GSTCD: variants seen among roughly 807,000 people sequenced by gnomAD.
The protein encoded by GSTCD is glutathione S-transferase C-terminal domain containing.
In GSTCD, 44 loss-of-function variants were observed where a neutral mutation model predicts 68.3. The ratio of observed to expected loss-of-function variants is 0.64; its 90% CI spans 0.51 to 0.83. GSTCD has a LOEUF of 0.83. Among genes scored for constraint, GSTCD ranks in the 40% least tolerant of loss-of-function variants. GSTCD has a pLI of 0.00. For synonymous variants in GSTCD, 273 were observed against 255.2 expected (o/e 1.07, Z -0.67); for missense variants, 739 against 735.9 (o/e 1.00, Z -0.05).
At chr4:105,783,214 G>A (rs1735346079) in intron 5 of GSTCD, among the ~76,000 whole-genome samples, 1 of 152,136 alleles carries the variant, frequency 6.6e-6, no homozygotes, top group Non-Finnish European at 1.5e-5. Context: ...TTACCCTTTA[G>A]AACAAACAGC....
At chr4:105,713,310 A>G (rs1049330133) in intron 1 of GSTCD, among the ~76,000 whole-genome samples, 1 of 152,206 alleles carries the variant, frequency 6.6e-6, no homozygotes, top group African/African-American at 2.4e-5. Flanking sequence ...GAAAGGAATC[A>G]GGAAAGAATT....
intron 8 of GSTCD, among the ~76,000 whole-genome samples, chr4:105,834,021 T>C (rs989301201): frequency 1.3e-5 from 2 of 152,226 alleles, no homozygotes; most frequent in African/African-American, 4.8e-5. Flanking sequence ...TTTGAGGAAG[T>C]GTTTTCAAAT....
intron 5 of GSTCD, among the ~76,000 whole-genome samples, chr4:105,781,362 C>A (rs993142817): frequency 6.6e-6 from 1 of 152,020 alleles, no homozygotes; most frequent in African/African-American, 2.4e-5. Context: ...GATCCTCCCC[C>A]TCAGCCCCCC....
At chr4:105,738,263 C>A (rs1377922869) in intron 5 of GSTCD, among the ~76,000 whole-genome samples, 1 of 152,142 alleles carries the variant, frequency 6.6e-6, no homozygotes, top group African/African-American at 2.4e-5. Flanking sequence ...GTTTTTAATA[C>A]CAGTGCCACA....
At position 105,846,753 on chromosome 4, in the gene GSTCD, CCT is replaced by C. The variant is rs1560860740; in HGVS notation, c.*1179_*1180del. On this transcript the variant is annotated 3_prime_UTR_variant, in exon 12 of 12. Coordinates refer to ENST00000515279, the MANE Select transcript of GSTCD (RefSeq NM_001370181.1). The stretch of plus-strand genomic sequence containing the variant: ...GTGGCTCGATCTTGGCTCACCACAA[CCT>C]CTGCATTCTCCTGCCTCAGCCTCCC... 1 of 148,384 alleles carries C rather than the reference CCT, an allele frequency of 6.7e-6. No individual in the cohort carries two copies. The highest frequency in any genetic ancestry group is 1.5e-5 in the Non-Finnish European group (1 of 67,336). 9.2% of individuals were successfully genotyped at this position (148,384 alleles called of 1,614,324 possible). A position where few individuals can be genotyped will look rare whatever the true frequency, so the allele number is the denominator to read the frequency against.
intron 5 of GSTCD, among the ~76,000 whole-genome samples, chr4:105,784,757 T>C (rs1305269330): frequency 2.6e-5 from 4 of 152,214 alleles, no homozygotes; most frequent in Admixed American, 1.3e-4. Flanking sequence ...TCTTATTTTT[T>C]CAATGGATTA....
intron 5 of GSTCD, among the ~76,000 whole-genome samples, chr4:105,774,609 A>G (rs1173631355): frequency 6.6e-6 from 1 of 152,174 alleles, no homozygotes; most frequent in African/African-American, 2.4e-5. Context: ...TTTGCTTATG[A>G]AGCTTAGTTT....
rs974237341 is a variant in GSTCD, at chr4:105,834,496, G to A, written c.1566G>A (p.Met522Ile). The change falls in exon 9 of 12, where the codon ATG becomes ATA. Residue 522 changes from methionine (M) to isoleucine (I), a missense_variant. Transcript: ENST00000515279. ...ALHACGVATD[M>I]VIEHCIKTRA... ...ATGCTTGTGGAGTGGCAACAGACAT[G>A]GTGATTGAGCACTGTATCAAAACAC... 7 of 1,614,046 alleles carry A rather than the reference G, an allele frequency of 4.3e-6. No homozygotes were observed. Among genetic ancestry groups the A allele is most frequent in the Non-Finnish European group, 5.9e-6 (7 of 1,179,970 alleles).
chr4:105,718,970 A>C, intron 2 of GSTCD, 90 bp from the exon 3 acceptor site: 1 of 1,019,686 alleles, frequency 9.8e-7, no homozygotes, highest in Non-Finnish European at 1.4e-6. Context: ...TTGAGCTCAA[A>C]ACTTATTTCC....
In GSTCD at chr4:105,719,491, A is replaced by G. The variant is rs1371105381; in HGVS notation, c.858A>G (p.Ala286=). ...CAGAAGGGCTTTACTTCACTCTGGC[A>G]GATATTGTGCTCTTGCCCTGTATCC... ...VFAEGLYFTL[A]DIVLLPCIHH... is the part of the protein sequence containing the mutation. The change falls in exon 3 of 12, where the codon GCA becomes GCG. Residue 286 remains alanine (A), a synonymous_variant. Transcript: ENST00000515279. The G allele has an allele frequency of 6.2e-7, 1 of 1,614,078 alleles. No homozygotes were observed. The highest frequency in any genetic ancestry group is 8.5e-7 in the Non-Finnish European group (1 of 1,179,944).
chr4:105,719,080 A>T lies in GSTCD; in HGVS notation c.447A>T (p.Leu149=). The change falls in exon 3 of 12, where the codon CTA becomes CTT. Residue 149 remains leucine, a synonymous_variant. Coordinates refer to ENST00000515279, the MANE Select transcript of GSTCD (RefSeq NM_001370181.1). Reference sequence around the variant, plus strand: ...TGTAGGTTAGTCAGTGGACCAGGCTATGTGAACTCACCATCCCTTTGGCTA... The same window carrying T: ...TGTAGGTTAGTCAGTGGACCAGGCTTTGTGAACTCACCATCCCTTTGGCTA... ...ACAEVSQWTR[L]CELTIPLAIE... The T allele has an allele frequency of 6.2e-7, 1 of 1,613,608 alleles. No individual in the cohort carries two copies. The highest frequency in any genetic ancestry group is 1.7e-4 in the Middle Eastern group (1 of 6,048).
At chr4:105,837,019 G>A (rs1209568360) in intron 9 of GSTCD, among the ~76,000 whole-genome samples, 1 of 152,128 alleles carries the variant, frequency 6.6e-6, no homozygotes, top group Non-Finnish European at 1.5e-5. Context: ...ATTAATAAAA[G>A]ACAATGTTTA....
chr4:105,802,401 G>A (rs1479009118), intron 5 of GSTCD, among the ~76,000 whole-genome samples: 1 of 151,982 alleles, frequency 6.6e-6, no homozygotes, highest in Non-Finnish European at 1.5e-5. Flanking sequence ...TACTTAAAGT[G>A]TTCTGTCTGA....
intron 3 of GSTCD, among the ~76,000 whole-genome samples, chr4:105,725,737 C>T (rs998933588): frequency 6.6e-6 from 1 of 151,978 alleles, no homozygotes; most frequent in Admixed American, 6.6e-5. Context: ...ACGTATAAGA[C>T]ACATCACTAA....
At chr4:105,743,959 A>T (rs891598122) in intron 5 of GSTCD, among the ~76,000 whole-genome samples, 1 of 152,170 alleles carries the variant, frequency 6.6e-6, no homozygotes, top group Non-Finnish European at 1.5e-5. Context: ...ATGCCTCGCC[A>T]AAACAGGACA....
At chr4:105,829,587 G>C (rs1481481590) in intron 8 of GSTCD, among the ~76,000 whole-genome samples, 3 of 152,158 alleles carry the variant, frequency 2.0e-5, no homozygotes, top group African/African-American at 7.2e-5. Flanking sequence ...AAAACGATCA[G>C]ATTTCATGGG....
intron 5 of GSTCD, among the ~76,000 whole-genome samples, chr4:105,755,020 G>C (rs1734131682): frequency 8.4e-6 from 1 of 119,402 alleles, no homozygotes; most frequent in Admixed American, 1.1e-4. Context: ...AGGAGTTCAA[G>C]ACCAGCCTGA....
In GSTCD at chr4:105,755,056, CAAAAAAAAAAAAAAAAAAAAAAA is replaced by C. The variant is rs70941214; in HGVS notation, c.1240+25578_1240+25600del. Among the ~76,000 whole-genome samples, 6 of 51,010 alleles carry C rather than the reference CAAAAAAAAAAAAAAAAAAAAAAA, an allele frequency of 1.2e-4. No individual in the cohort carries two copies. The South Asian group carries it at 5.3e-3, about 45-fold the overall frequency. 33.5% of individuals were successfully genotyped at this position (51,010 alleles called of 152,430 possible). A position where few individuals can be genotyped will look rare whatever the true frequency, so the allele number is the denominator to read the frequency against. On this transcript the variant is annotated intron_variant, in intron 5 of 11. Transcript: ENST00000515279. The stretch of plus-strand genomic sequence containing the variant: ...GCAACATAGTGAGACCTCATTTCTC[CAAAAAAAAAAAAAAAAAAAAAAA>C]AAAAAAAAAAAAAAAAAAAATTAGC...
At chr4:105,726,432 A>G (rs139696849) in intron 3 of GSTCD, 147 bp from the exon 4 acceptor site, 77 of 570,442 alleles carry the variant, frequency 1.3e-4, no homozygotes, top group African/African-American at 1.1e-3. Flanking sequence ...CTAAAACTAG[A>G]TGGTTGATAA....
Sources: allele counts gnomAD v4.1 joint callset (sites outside exome capture counted in the v4.1 genomes callset), GRCh38; gene constraint gnomAD v4.1.1; transcripts MANE v1.5; gene names NCBI Gene and HGNC (gene_info 2026-07-23, HGNC 2026-07-21).